Variants in GALNT9 observed in about 807,000 individuals in gnomAD.
GALNT9 encodes GalNAc transferase 9.
In GALNT9, 47 loss-of-function variants were observed where a neutral mutation model predicts 63.1. That is an observed-to-expected ratio of 0.75 (90% CI 0.59 to 0.95). The LOEUF (loss-of-function observed/expected upper bound fraction) is 0.95, where lower values mean the gene tolerates loss of function less well. Ranked by LOEUF, GALNT9 falls within the 40% of genes least tolerant of loss-of-function variation. GALNT9 has a pLI of 0.00. For missense variants in GALNT9, 829 were observed against 874.8 expected (o/e 0.95, Z 0.66); for synonymous variants, 396 against 365.7 (o/e 1.08, Z -0.94).
intron 1 of GALNT9, among the ~76,000 whole-genome samples, chr12:132,288,674 TGCCCGGCATTGG>T (rs1183139224): frequency 6.6e-6 from 1 of 150,810 alleles, no homozygotes; most frequent in Non-Finnish European, 1.5e-5. Context: ...GGCTGCCCGA[TGCCCGGCATTGG>T]ACCCGGCAGG....
chr12:132,267,498 G>T (rs1879647256), intron 2 of GALNT9, among the ~76,000 whole-genome samples: 1 of 152,186 alleles, frequency 6.6e-6, no homozygotes, highest in South Asian at 2.1e-4. Flanking sequence ...AGGGCTTCAC[G>T]GTAGAACCTG....
intron 1 of GALNT9, among the ~76,000 whole-genome samples, chr12:132,318,927 C>T (rs376065936): frequency 1.5e-4 from 23 of 152,236 alleles, no homozygotes; most frequent in African/African-American, 4.6e-4. Flanking sequence ...AGGAAGCCTG[C>T]GTGTCCCCAG....
intron 6 of GALNT9, among the ~76,000 whole-genome samples, chr12:132,247,157 C>G (rs1289618307): frequency 1.3e-5 from 2 of 150,118 alleles, no homozygotes; most frequent in African/African-American, 5.0e-5. Context: ...CGGACACGGT[C>G]CCGGGAGGCA....
chr12:132,313,485 T>C (rs1555245382), intron 1 of GALNT9, among the ~76,000 whole-genome samples: 4 of 99,896 alleles, frequency 4.0e-5, no homozygotes, highest in Non-Finnish European at 6.1e-5. Context: ...ACCTAATCCA[T>C]CCAGCCATCC....
chr12:132,303,574 C>A (rs1288147532), intron 1 of GALNT9, among the ~76,000 whole-genome samples: 1 of 96,602 alleles, frequency 1.0e-5, no homozygotes, highest in African/African-American at 6.2e-5. Context: ...CAGCCTCGCC[C>A]GGGCACACCC....
chr12:132,260,040 T>G (rs1879314846), intron 4 of GALNT9, among the ~76,000 whole-genome samples: 2 of 83,758 alleles, frequency 2.4e-5, no homozygotes, highest in East Asian at 2.9e-4. Flanking sequence ...CCTGCCTGGG[T>G]GCAGGGAACA....
At chr12:132,239,412 T>A (rs1230412272) in intron 6 of GALNT9, among the ~76,000 whole-genome samples, 67 of 84,342 alleles carry the variant, frequency 7.9e-4, no homozygotes, top group Middle Eastern at 0.011. Context: ...AGACACACAC[T>A]GAGAGACTGA....
Position 132,246,519 on chromosome 12 carries a change from A to ATTATT in GALNT9, c.1077+1386_1077+1390dup, listed in dbSNP as rs1338610887. On this transcript the variant is annotated intron_variant, in intron 6 of 10. Coordinates refer to ENST00000328957, the MANE Select transcript of GALNT9 (RefSeq NM_001122636.2). This position sits in a 1 kb window ranked among gnomAD's most constrained non-coding sequence, Gnocchi z 4.7. ...AAAGCAGTGAATTCTGTTTCACGGT[A>ATTATT]TTATTTTATTTTATTTTATCATATA... Among the ~76,000 whole-genome samples the ATTATT allele has an allele frequency of 6.6e-6, 1 of 152,088 alleles. No individual in the cohort carries two copies. Among genetic ancestry groups the ATTATT allele is most frequent in the Admixed American group, 6.6e-5 (1 of 15,258 alleles).
intron 2 of GALNT9, among the ~76,000 whole-genome samples, chr12:132,269,681 C>T (rs1174431956): frequency 1.3e-5 from 2 of 152,182 alleles, no homozygotes; most frequent in African/African-American, 2.4e-5. Flanking sequence ...GGGCCGAGGG[C>T]GGAATCGTGA....
intron 6 of GALNT9, among the ~76,000 whole-genome samples, chr12:132,211,811 G>A (rs988086185): frequency 6.6e-6 from 1 of 152,220 alleles, no homozygotes; most frequent in African/African-American, 2.4e-5. Flanking sequence ...CAGCACCTGA[G>A]GCAGCCAGAC....
chr12:132,196,568 A>G lies in GALNT9; in HGVS notation c.*539T>C. ...AAGCAGTCGTGCCAGCCTCCTAGAC[A>G]CGGCCTCAGGTTTGTCGCTGTCCAT... On this transcript the variant is annotated 3_prime_UTR_variant, in exon 11 of 11. Transcript: ENST00000328957. 1.0e-6 allele frequency: 1 copy of G among 986,556 alleles called. No individual in the cohort carries two copies. Among genetic ancestry groups the G allele is most frequent in the Non-Finnish European group, 1.2e-6 (1 of 830,766 alleles). 61.1% of individuals were successfully genotyped at this position (986,556 alleles called of 1,614,324 possible). A position where few individuals can be genotyped will look rare whatever the true frequency, so the allele number is the denominator to read the frequency against.
At chr12:132,228,088 A>G (rs969557169) in intron 6 of GALNT9, among the ~76,000 whole-genome samples, 3 of 152,086 alleles carry the variant, frequency 2.0e-5, no homozygotes, top group African/African-American at 7.2e-5. Context: ...GTGCCGCCCC[A>G]GCAGGGGTGG....
At chr12:132,220,327 T>C (rs1378951542) in intron 6 of GALNT9, among the ~76,000 whole-genome samples, 1 of 152,018 alleles carries the variant, frequency 6.6e-6, no homozygotes, top group Non-Finnish European at 1.5e-5. Context: ...ACAAAATTGG[T>C]GAATTTAAAC....
chr12:132,209,878 C>T (rs1489071074), intron 6 of GALNT9, among the ~76,000 whole-genome samples: 1 of 152,176 alleles, frequency 6.6e-6, no homozygotes, highest in African/African-American at 2.4e-5. Flanking sequence ...ACCAGCAGCC[C>T]TGGGGGCCAC....
intron 6 of GALNT9, among the ~76,000 whole-genome samples, chr12:132,243,240 C>G (rs1176415064): frequency 6.8e-6 from 1 of 146,560 alleles, no homozygotes; most frequent in Non-Finnish European, 1.5e-5. Flanking sequence ...ACGCCACACC[C>G]CCTTCCCGGG....
At position 132,295,423 on chromosome 12, in the gene GALNT9, C is replaced by T. The variant is rs1240067083; in HGVS notation, c.239-8993G>A. Among the ~76,000 whole-genome samples the T allele has an allele frequency of 6.3e-3, 963 of 152,336 alleles. 10 individuals carry two copies. The highest frequency in any genetic ancestry group is 0.022 in the African/African-American group (916 of 41,570). Reference sequence around the variant, plus strand: ...ACAGGCAGAGTCCCAGCCCTGGGGACCTGTGAACAGGATCTTATCTGGAAA... The same window carrying T: ...ACAGGCAGAGTCCCAGCCCTGGGGATCTGTGAACAGGATCTTATCTGGAAA... On this transcript the variant is annotated intron_variant, in intron 1 of 10. Coordinates refer to ENST00000328957, the MANE Select transcript of GALNT9 (RefSeq NM_001122636.2).
intron 1 of GALNT9, among the ~76,000 whole-genome samples, chr12:132,318,816 G>A (rs1868646243): frequency 6.6e-6 from 1 of 152,192 alleles, no homozygotes; most frequent in Non-Finnish European, 1.5e-5. Flanking sequence ...TCCTGCCCCA[G>A]CCCGGGCCAG....
intron 6 of GALNT9, among the ~76,000 whole-genome samples, chr12:132,226,165 CACACCATAT>C (rs1877675149): frequency 3.4e-5 from 5 of 146,406 alleles, no homozygotes; most frequent in African/African-American, 1.1e-4. Context: ...ACACCCCATA[CACACCATAT>C]ACACACCCCA....
Position 132,329,300 on chromosome 12 carries a change from C to G in GALNT9, c.-97G>C. 2 of 1,439,598 alleles carry G rather than the reference C, an allele frequency of 1.4e-6. No homozygotes were observed. Among genetic ancestry groups the G allele is most frequent in the South Asian group, 1.4e-5 (1 of 69,708 alleles). 89.2% of individuals were successfully genotyped at this position (1,439,598 alleles called of 1,614,324 possible). A position where few individuals can be genotyped will look rare whatever the true frequency, so the allele number is the denominator to read the frequency against. On this transcript the variant is annotated 5_prime_UTR_variant, in exon 1 of 11. Transcript: ENST00000328957. Reference sequence around the variant, plus strand: ...TCGGCTTCGGGGACCATGAGCCGCCCGGGGCTGCGGGGGCTGCGGGGCTCG... The same window carrying G: ...TCGGCTTCGGGGACCATGAGCCGCCGGGGGCTGCGGGGGCTGCGGGGCTCG...
Sources: gnomAD v4.1 joint callset for allele counts (sites outside exome capture counted in the v4.1 genomes callset) on GRCh38, gnomAD v4.1.1 for gene constraint, Gnocchi (gnomAD v3.1) non-coding constraint, MANE v1.5 for transcripts, NCBI Gene and HGNC (gene_info 2026-07-23, HGNC 2026-07-21) for gene names.